P4HA1: variants seen among roughly 807,000 people sequenced by gnomAD.
P4HA1 encodes prolyl 4-hydroxylase subunit alpha 1, also known as prolyl 4-hydroxylase subunit alpha-1.
In P4HA1, 24 loss-of-function variants were observed where a neutral mutation model predicts 72.8. That is an observed-to-expected ratio of 0.33 (90% CI 0.24 to 0.46). P4HA1 has a LOEUF of 0.46. Among genes scored for constraint, P4HA1 ranks in the 20% least tolerant of loss-of-function variants. The pLI, the probability that P4HA1 is intolerant of heterozygous loss-of-function variation, is 1.00. For missense variants in P4HA1, 446 were observed against 640.6 expected (o/e 0.70, Z 3.28); for synonymous variants, 201 against 218.8 (o/e 0.92, Z 0.72).
chr10:73,069,014 C>A, intron 4 of P4HA1, 31 bp from the exon 5 acceptor site: 1 of 1,510,524 alleles, frequency 6.6e-7, no homozygotes, highest in South Asian at 1.2e-5. Context: ...GAAAAAAAAA[C>A]TGTAGAACCT....
chr10:73,092,699 T>C (rs989391465), intron 1 of P4HA1, among the ~76,000 whole-genome samples: 10 of 151,092 alleles, frequency 6.6e-5, no homozygotes, highest in African/African-American at 2.2e-4. Flanking sequence ...AAAATTTAAA[T>C]ATAAATTTAA....
chr10:73,093,732 A>T (rs1333826328), intron 1 of P4HA1, among the ~76,000 whole-genome samples: 1 of 147,090 alleles, frequency 6.8e-6, no homozygotes, highest in Non-Finnish European at 1.5e-5. Flanking sequence ...AGTCCCAGCT[A>T]CTCGGGAGGC....
At chr10:73,050,692 T>C in intron 7 of P4HA1, among the ~76,000 whole-genome samples, 1 of 142,992 alleles carries the variant, frequency 7.0e-6, no homozygotes, top group Non-Finnish European at 1.5e-5. Context: ...AGGGTGAGAC[T>C]CCATCTCAAA....
At chr10:73,087,535 G>A (rs1841948243) in intron 1 of P4HA1, among the ~76,000 whole-genome samples, 2 of 151,986 alleles carry the variant, frequency 1.3e-5, no homozygotes, top group Non-Finnish European at 2.9e-5. Flanking sequence ...CAAAGTGCTG[G>A]GATTACAGGC....
intron 1 of P4HA1, among the ~76,000 whole-genome samples, chr10:73,095,227 T>TAAAA (rs35159575): frequency 4.5e-5 from 3 of 67,338 alleles, no homozygotes; most frequent in East Asian, 7.3e-4. Flanking sequence ...GCTCACAAGC[T>TAAAA]AAAAAAAAAA....
At chr10:73,022,570 G>A (rs1051014415) in intron 10 of P4HA1, among the ~76,000 whole-genome samples, 20 of 152,148 alleles carry the variant, frequency 1.3e-4, no homozygotes, top group African/African-American at 4.6e-4. Context: ...AACTTCTAAA[G>A]ATCAGAGCAC....
chr10:73,068,862 T>C lies in P4HA1; in HGVS notation c.447A>G (p.Ser149=). Residue 149 remains serine (S), a synonymous_variant, in exon 5 of 15, where the codon TCA becomes TCG. Coordinates refer to ENST00000394890, the MANE Select transcript of P4HA1 (RefSeq NM_001017962.3). ...DTYNLDTDTI[S]KGNLPGVKHK... is the part of the protein sequence containing the mutation. The stretch of plus-strand genomic sequence containing the variant: ...TGATCTTACCTGGAAGATTACCCTT[T>C]GAGATGGTATCTGTATCCAAATTGT... The C allele has an allele frequency of 6.2e-7, 1 of 1,606,316 alleles. No individual in the cohort carries two copies. Among genetic ancestry groups the C allele is most frequent in the East Asian group, 2.2e-5 (1 of 44,776 alleles).
chr10:73,036,008 G>A (rs1005953995), intron 9 of P4HA1, among the ~76,000 whole-genome samples: 6 of 152,064 alleles, frequency 3.9e-5, no homozygotes, highest in African/African-American at 1.4e-4. Flanking sequence ...GACCAACGTG[G>A]TGAAACCCCG....
chr10:73,010,045 T>C, intron 13 of P4HA1, 142 bp from the exon 14 acceptor site: 1 of 544,474 alleles, frequency 1.8e-6, no homozygotes, highest in South Asian at 2.2e-5. Context: ...CTCAGCTCAC[T>C]GCAACCTCCA....
At chr10:73,068,711 A>G in intron 5 of P4HA1, 135 bp downstream of exon 5, 1 of 666,460 alleles carries the variant, frequency 1.5e-6, no homozygotes, top group Non-Finnish European at 2.6e-6. Context: ...GTGATTCTTT[A>G]GTCTTCGAAG....
intron 5 of P4HA1, among the ~76,000 whole-genome samples, chr10:73,064,272 C>T (rs569912098): frequency 2.2e-4 from 34 of 151,998 alleles, no homozygotes; most frequent in African/African-American, 7.5e-4. Flanking sequence ...CTCAGGAGTT[C>T]GAAACCAGCC....
intron 1 of P4HA1, among the ~76,000 whole-genome samples, chr10:73,075,246 C>T (rs1213205848): frequency 6.6e-6 from 1 of 151,916 alleles, no homozygotes; most frequent in Admixed American, 6.6e-5. Flanking sequence ...TAGTTGGGAC[C>T]AAAGGTGTGT....
At chr10:73,017,578 C>A (rs1166412633) in intron 10 of P4HA1, among the ~76,000 whole-genome samples, 1 of 145,714 alleles carries the variant, frequency 6.9e-6, no homozygotes, top group Non-Finnish European at 1.5e-5. Context: ...AAAATGTTTT[C>A]CAAAGCCCCA....
At chr10:73,036,132 A>G (rs1840567528) in intron 9 of P4HA1, among the ~76,000 whole-genome samples, 1 of 151,032 alleles carries the variant, frequency 6.6e-6, no homozygotes, top group Admixed American at 6.6e-5. Context: ...GGTTGCAGTG[A>G]GCCGAGATCA....
intron 5 of P4HA1, among the ~76,000 whole-genome samples, chr10:73,066,662 A>G (rs1841431201): frequency 6.6e-6 from 1 of 152,092 alleles, no homozygotes. Context: ...TCACACCCAA[A>G]TATCACCTTG....
chr10:73,034,644 G>A (rs1452080226), intron 9 of P4HA1, among the ~76,000 whole-genome samples: 1 of 149,974 alleles, frequency 6.7e-6, no homozygotes, highest in South Asian at 2.1e-4. Context: ...CTGGAGTGCA[G>A]TGATGCAATC....
At chr10:73,060,662 A>C (rs1206080677) in intron 5 of P4HA1, among the ~76,000 whole-genome samples, 2 of 152,234 alleles carry the variant, frequency 1.3e-5, no homozygotes, top group Non-Finnish European at 2.9e-5. Context: ...CTGGAAAAAA[A>C]ACTGTGCCAG....
chr10:73,008,804 T>C (rs922688987), intron 14 of P4HA1, among the ~76,000 whole-genome samples: 2 of 150,670 alleles, frequency 1.3e-5, no homozygotes, highest in African/African-American at 5.0e-5. Flanking sequence ...TAAAAATGTA[T>C]CCCAAAAGCA....
chr10:73,072,204 T>C (rs1160285110), intron 3 of P4HA1, 24 bp from the exon 4 acceptor site: 17 of 1,572,884 alleles, frequency 1.1e-5, no homozygotes, highest in Non-Finnish European at 1.3e-5. Flanking sequence ...ACATAAAAAC[T>C]GAATATTTAT....
Sources: allele counts gnomAD v4.1 joint callset (sites outside exome capture counted in the v4.1 genomes callset), GRCh38; gene constraint gnomAD v4.1.1; transcripts MANE v1.5; gene names NCBI Gene and HGNC (gene_info 2026-07-23, HGNC 2026-07-21).